FMN2: variants seen among roughly 807,000 people sequenced by gnomAD.
FMN2 encodes the protein formin 2.
In FMN2, 51 loss-of-function variants were observed where a neutral mutation model predicts 142.3. That is an observed-to-expected ratio of 0.36 (90% CI 0.29 to 0.45). The LOEUF (loss-of-function observed/expected upper bound fraction) is 0.45, where lower values mean the gene tolerates loss of function less well. Among genes scored for constraint, FMN2 ranks in the 20% least tolerant of loss-of-function variants. The pLI, the probability that FMN2 is intolerant of heterozygous loss-of-function variation, is 1.00. For missense variants in FMN2, 1,936 were observed against 2,122.8 expected, an observed-to-expected ratio of 0.91 and a Z score of 1.73; for synonymous variants, 882 against 869.8, an observed-to-expected ratio of 1.01 and a Z score of -0.25.
chr1:240,294,279 A>G (rs901781961), intron 7 of FMN2, among the ~76,000 whole-genome samples: 2 of 152,168 alleles, frequency 1.3e-5, no homozygotes, highest in African/African-American at 2.4e-5. Context: ...TGAAGGATGG[A>G]TTTTTAAGGT....
intron 6 of FMN2, among the ~76,000 whole-genome samples, chr1:240,227,792 A>G (rs1050436426): frequency 6.6e-5 from 10 of 152,200 alleles, no homozygotes; most frequent in African/African-American, 2.2e-4. Context: ...CTATGACTCT[A>G]AAAGCACATA....
Position 240,206,991 on chromosome 1 carries a change from A to G in FMN2, c.2179A>G (p.Arg727Gly), listed in dbSNP as rs759401001. 1 of 1,614,196 alleles carries G rather than the reference A, an allele frequency of 6.2e-7. No individual in the cohort carries two copies. Among genetic ancestry groups the G allele is most frequent in the Non-Finnish European group, 8.5e-7 (1 of 1,180,024 alleles). ...ASGDVCLEAL[R>G]LEEKEVRHHR... Reference sequence around the variant, plus strand: ...AGGCGATGTCTGTCTCGAAGCTCTCAGGTTAGAAGAAAAGGAAGTACGGCA... The same window carrying G: ...AGGCGATGTCTGTCTCGAAGCTCTCGGGTTAGAAGAAAAGGAAGTACGGCA... Residue 727 changes from arginine to glycine, a missense_variant, in exon 5 of 18, where the codon AGG becomes GGG. Coordinates refer to ENST00000319653, the MANE Select transcript of FMN2 (RefSeq NM_020066.5).
chr1:240,368,831 C>A (rs1672767121), intron 14 of FMN2, among the ~76,000 whole-genome samples: 1 of 152,004 alleles, frequency 6.6e-6, no homozygotes, highest in Non-Finnish European at 1.5e-5. Context: ...GTTTTCATAT[C>A]ATTTAATTTT....
At position 240,407,730 on chromosome 1, in the gene FMN2, A is replaced by G. The variant is rs547063398; in HGVS notation, c.4910+15168A>G. The stretch of plus-strand genomic sequence containing the variant: ...AACAGCAATTTATTTCAAAGGTCCA[A>G]GGTTTTCCACAGTTCCTCTCCTGCC... On this transcript the variant is annotated intron_variant, in intron 15 of 17. Transcript: ENST00000319653. Among the ~76,000 whole-genome samples, 4 of 152,286 alleles carry G rather than the reference A, an allele frequency of 2.6e-5. No individual in the cohort carries two copies. In the South Asian group the frequency reaches 6.2e-4, roughly 24 times the overall value.
chr1:240,146,964 G>A (rs1222101840), intron 2 of FMN2, among the ~76,000 whole-genome samples: 1 of 152,172 alleles, frequency 6.6e-6, no homozygotes, highest in East Asian at 1.9e-4. Context: ...TCTCCTCAGG[G>A]TAAGGTGGAA....
intron 5 of FMN2, among the ~76,000 whole-genome samples, chr1:240,209,408 G>A (rs933725529): frequency 7.9e-5 from 12 of 150,966 alleles, no homozygotes; most frequent in Admixed American, 3.3e-4. Context: ...CCGCCACCAC[G>A]CCCGGTTAAT....
chr1:240,257,554 C>T (rs1027349574), intron 6 of FMN2, among the ~76,000 whole-genome samples: 1 of 152,084 alleles, frequency 6.6e-6, no homozygotes, highest in Non-Finnish European at 1.5e-5. Flanking sequence ...TTCAGTGTGT[C>T]AAGGCTCCAC....
rs183118213 is a variant in FMN2, at chr1:240,434,849, G to C, written c.4911-3212G>C. ...GCCTCCCAAAATGCTGGGATTACAG[G>C]CTGCTTGTTTTTTTTTTTAAAGTAT... On this transcript the variant is annotated intron_variant, in intron 15 of 17. Transcript: ENST00000319653. Among the ~76,000 whole-genome samples the C allele has an allele frequency of 2.8e-5, 4 of 144,336 alleles. No homozygotes were observed. The East Asian group carries it at 5.8e-4, about 21-fold the overall frequency. The allele number at this position is 144,336 out of a possible 152,430, so 94.7% of individuals were successfully genotyped here.
chr1:240,467,243 G>A (rs1676651410), intron 16 of FMN2, among the ~76,000 whole-genome samples: 1 of 151,236 alleles, frequency 6.6e-6, no homozygotes, highest in Non-Finnish European at 1.5e-5. Context: ...GTCCAATGAT[G>A]AACATGGGCC....
At chr1:240,298,815 GCTGT>G (rs1410452486) in intron 8 of FMN2, among the ~76,000 whole-genome samples, 1 of 152,124 alleles carries the variant, frequency 6.6e-6, no homozygotes, top group Non-Finnish European at 1.5e-5. Context: ...GGGGACCGCT[GCTGT>G]CTATGTAAGA....
At chr1:240,261,242 A>T (rs995984750) in intron 7 of FMN2, among the ~76,000 whole-genome samples, 1 of 151,702 alleles carries the variant, frequency 6.6e-6, no homozygotes, top group Non-Finnish European at 1.5e-5. Flanking sequence ...TGGCATTTTT[A>T]TCGATAGGCA....
intron 14 of FMN2, among the ~76,000 whole-genome samples, chr1:240,361,168 T>A (rs1168398321): frequency 8.0e-5 from 6 of 74,578 alleles, no homozygotes; most frequent in Admixed American, 2.8e-4. Context: ...TATATATATA[T>A]ATATATATAT....
intron 16 of FMN2, among the ~76,000 whole-genome samples, chr1:240,461,564 G>A (rs17631892): frequency 0.027 from 4,103 of 152,258 alleles, 98 homozygotes; most frequent in Non-Finnish European, 0.044. Context: ...TTGAACTTGG[G>A]AAATACATTG....
rs181268921 is a variant in FMN2 at position 240,210,016 on chromosome 1, T to C, written c.3921-1075T>C. The stretch of plus-strand genomic sequence containing the variant: ...TGCTTCACAAAAATACACATATCCA[T>C]ACCCCAAGTGTGAAATAATTTAGTT... On this transcript the variant is annotated intron_variant, in intron 5 of 17. Transcript: ENST00000319653. 2.7e-3 allele frequency among the ~76,000 whole-genome samples: 413 copies of C among 152,314 alleles called. 3 individuals carry two copies. The South Asian group carries it at 0.027, about 10-fold the overall frequency.
intron 5 of FMN2, among the ~76,000 whole-genome samples, chr1:240,210,510 C>T (rs936775353): frequency 2.6e-5 from 4 of 152,226 alleles, no homozygotes; most frequent in Admixed American, 2.0e-4. Flanking sequence ...GTGGGTGATT[C>T]ATTTTAAACT....
intron 5 of FMN2, among the ~76,000 whole-genome samples, chr1:240,209,361 C>A (rs1175929085): frequency 1.3e-5 from 2 of 151,644 alleles, no homozygotes; most frequent in Non-Finnish European, 2.9e-5. Flanking sequence ...CCCCATTCTC[C>A]TGCCTCAGCC....
chr1:240,212,545 CTT>C (rs575259476), intron 6 of FMN2, among the ~76,000 whole-genome samples: 70 of 152,214 alleles, frequency 4.6e-4, no homozygotes, highest in African/African-American at 1.6e-3. Context: ...GGGATGAAGA[CTT>C]TATAAATATC....
intron 16 of FMN2, among the ~76,000 whole-genome samples, chr1:240,440,794 A>C (rs1267500867): frequency 6.6e-6 from 1 of 152,140 alleles, no homozygotes; most frequent in Non-Finnish European, 1.5e-5. Flanking sequence ...TGTTTGAAGA[A>C]CAACTCTGTT....
intron 16 of FMN2, among the ~76,000 whole-genome samples, chr1:240,439,101 T>C (rs994925084): frequency 2.0e-5 from 3 of 151,762 alleles, no homozygotes; most frequent in Non-Finnish European, 4.4e-5. Flanking sequence ...GGCAAAACCC[T>C]GTCTGTACTA....
Sources: allele counts gnomAD v4.1 joint callset (sites outside exome capture counted in the v4.1 genomes callset), GRCh38; gene constraint gnomAD v4.1.1; transcripts MANE v1.5; gene names NCBI Gene and HGNC (gene_info 2026-07-23, HGNC 2026-07-21).